Variants in LPCAT3 observed in about 807,000 individuals in gnomAD.
The protein encoded by LPCAT3 is lysophospholipid acyltransferase 5.
LPCAT3 carries 21 observed loss-of-function variants against 63.4 expected under a neutral mutation model. The ratio of observed to expected loss-of-function variants is 0.33; its 90% CI spans 0.23 to 0.48. The LOEUF is 0.48. Ranked by LOEUF, LPCAT3 falls within the 20% of genes least tolerant of loss-of-function variation. The pLI is 0.99. For missense variants in LPCAT3, 451 were observed against 590.6 expected (o/e 0.76, Z 2.45); for synonymous variants, 242 against 227.5 (o/e 1.06, Z -0.58).
At chr12:6,979,226 C>A (rs896611994) in intron 7 of LPCAT3, 5 of 543,010 alleles carry the variant, frequency 9.2e-6, no homozygotes, top group Non-Finnish European at 1.6e-5. Context: ...CTAGGAGCGG[C>A]TCCTAGAGAA....
chr12:6,976,952 C>T (rs997125878), intron 12 of LPCAT3, 61 bp from the exon 13 acceptor site: 6 of 571,338 alleles, frequency 1.1e-5, no homozygotes, highest in Admixed American at 6.0e-5. Context: ...TGGTCTATAG[C>T]CCTTCCAGAT....
At chr12:6,983,392 C>T in intron 2 of LPCAT3, 40 bp downstream of exon 2, 2 of 1,350,288 alleles carry the variant, frequency 1.5e-6, no homozygotes, top group Admixed American at 1.8e-5. Flanking sequence ...CTTCCAGGTT[C>T]CCACTAATTG....
chr12:7,004,277 C>T lies in LPCAT3; in HGVS notation c.151+13997G>A, dbSNP rs117946131. Among the ~76,000 whole-genome samples, 39 of 152,244 alleles carry T rather than the reference C, an allele frequency of 2.6e-4. No individual in the cohort carries two copies. The East Asian group carries it at 6.8e-3, about 26-fold the overall frequency. On this transcript the variant is annotated intron_variant, in intron 1 of 12. Transcript: ENST00000261407. Reference sequence around the variant, plus strand: ...GTTTATCCGGGGCAGAGAACAACAGCGGGTTACTCTCAAACCTGCTCTGGA... The same window carrying T: ...GTTTATCCGGGGCAGAGAACAACAGTGGGTTACTCTCAAACCTGCTCTGGA...
rs1946801784 is a variant in LPCAT3 at position 7,017,108 on chromosome 12, C to T, written c.151+1166G>A. Among the ~76,000 whole-genome samples the T allele has an allele frequency of 6.6e-6, 1 of 152,204 alleles. No homozygotes were observed. The highest frequency in any genetic ancestry group is 1.5e-5 in the Non-Finnish European group (1 of 68,038). Reference sequence around the variant, plus strand: ...TCTCTGGCATTTAAGGCTTTCCACACCTGCCCAACTTTATCTCAAACTTCT... The same window carrying T: ...TCTCTGGCATTTAAGGCTTTCCACATCTGCCCAACTTTATCTCAAACTTCT... On this transcript the variant is annotated intron_variant, in intron 1 of 12. Coordinates refer to ENST00000261407, the MANE Select transcript of LPCAT3 (RefSeq NM_005768.6). This position sits in a 1 kb window ranked among gnomAD's most constrained non-coding sequence, Gnocchi z 4.1.
intron 1 of LPCAT3, among the ~76,000 whole-genome samples, chr12:7,007,104 C>T (rs111676401): frequency 0.067 from 10,211 of 151,680 alleles, 436 homozygotes; most frequent in African/African-American, 0.098. Flanking sequence ...AGTGCAATGG[C>T]GCGATCTCGG....
chr12:6,986,448 T>C (rs1946526702), intron 1 of LPCAT3, among the ~76,000 whole-genome samples: 1 of 152,172 alleles, frequency 6.6e-6, no homozygotes, highest in Non-Finnish European at 1.5e-5. Context: ...TTGTTTATGC[T>C]ATTGGTAAGT....
chr12:6,977,591 G>C lies in LPCAT3; in HGVS notation c.1188+7C>G. 1 of 1,614,172 alleles carries C rather than the reference G, an allele frequency of 6.2e-7. No individual in the cohort carries two copies. The highest frequency in any genetic ancestry group is 2.2e-5 in the East Asian group (1 of 44,890). Reference sequence around the variant, plus strand: ...TATTCCCCTTCACCCCCACCCTGGAGGCCTACCTGTCTTTCCACAATAACA... The same window carrying C: ...TATTCCCCTTCACCCCCACCCTGGACGCCTACCTGTCTTTCCACAATAACA... On this transcript the variant is annotated splice_region_variant and intron_variant, in intron 10 of 12. Transcript: ENST00000261407. This position sits in a 1 kb window ranked among gnomAD's most constrained non-coding sequence, Gnocchi z 4.5.
At chr12:6,997,736 G>A (rs1555156207) in intron 1 of LPCAT3, among the ~76,000 whole-genome samples, 2 of 151,824 alleles carry the variant, frequency 1.3e-5, no homozygotes, top group African/African-American at 4.8e-5. Flanking sequence ...ACAGGCAGGC[G>A]CCACCACACG....
At chr12:6,988,877 A>G (rs892151049) in intron 1 of LPCAT3, among the ~76,000 whole-genome samples, 2 of 152,190 alleles carry the variant, frequency 1.3e-5, no homozygotes, top group Non-Finnish European at 2.9e-5. Flanking sequence ...CTGTAATCCC[A>G]GCACTTTGGG....
chr12:6,977,709 T>C lies in LPCAT3; in HGVS notation c.1077A>G (p.Lys359=), dbSNP rs1555153490. 1 of 1,614,216 alleles carries C rather than the reference T, an allele frequency of 6.2e-7. No homozygotes were observed. Among genetic ancestry groups the C allele is most frequent in the Admixed American group, 1.7e-5 (1 of 60,026 alleles). Residue 359 remains lysine (K), a synonymous_variant, in exon 10 of 13, where the codon AAA becomes AAG. Coordinates refer to ENST00000261407, the MANE Select transcript of LPCAT3 (RefSeq NM_005768.6). The surrounding 1 kb of genome is among the most constrained non-coding windows in gnomAD (Gnocchi z 4.5). ...GCAACGAGAGACCCTGAGAGAGTTCTTTATTTCCAAGGAACTTGAGTCGTT... is the reference window on the plus strand; with the variant it reads ...GCAACGAGAGACCCTGAGAGAGTTCCTTATTTCCAAGGAACTTGAGTCGTT... The part of the protein sequence containing the change: ...IFKRLKFLGN[K]ELSQGLSLLF...
chr12:6,986,827 C>A (rs1300474669), intron 1 of LPCAT3, among the ~76,000 whole-genome samples: 1 of 149,174 alleles, frequency 6.7e-6, no homozygotes, highest in South Asian at 2.1e-4. Flanking sequence ...AAAAGTTACA[C>A]CTGTCGGCCG....
intron 1 of LPCAT3, among the ~76,000 whole-genome samples, chr12:6,993,145 T>C (rs782233297): frequency 1.3e-5 from 2 of 152,080 alleles, no homozygotes; most frequent in Non-Finnish European, 2.9e-5. Flanking sequence ...TTTTAGTATA[T>C]TCAAAAGGTT....
intron 6 of LPCAT3, among the ~76,000 whole-genome samples, chr12:6,980,261 T>C (rs1226067731): frequency 6.6e-6 from 1 of 152,092 alleles, no homozygotes; most frequent in Non-Finnish European, 1.5e-5. Context: ...CAGGCTGGTC[T>C]TGAACTCCTG....
In LPCAT3 at chr12:6,994,120, A is replaced by T. The variant is rs782566604; in HGVS notation, c.152-10581T>A. 2.0e-5 allele frequency among the ~76,000 whole-genome samples: 3 copies of T among 152,292 alleles called. No individual in the cohort carries two copies. The East Asian group carries it at 5.8e-4, about 29-fold the overall frequency. On this transcript the variant is annotated intron_variant, in intron 1 of 12. Coordinates refer to ENST00000261407, the MANE Select transcript of LPCAT3 (RefSeq NM_005768.6). Reference sequence around the variant, plus strand: ...CCAGAGTGCTGCAATTACAGGTATGAGCCCATGTACAAGTTTTTGTGTGAA... The same window carrying T: ...CCAGAGTGCTGCAATTACAGGTATGTGCCCATGTACAAGTTTTTGTGTGAA...
At chr12:7,002,394 C>T (rs1357294528) in intron 1 of LPCAT3, among the ~76,000 whole-genome samples, 2 of 152,184 alleles carry the variant, frequency 1.3e-5, no homozygotes, top group African/African-American at 4.8e-5. Flanking sequence ...CTAATCTGGA[C>T]TGGGTTGCCC....
chr12:7,005,695 A>G (rs1946721022), intron 1 of LPCAT3, among the ~76,000 whole-genome samples: 1 of 152,204 alleles, frequency 6.6e-6, no homozygotes, highest in Non-Finnish European at 1.5e-5. Context: ...AAGATATTAA[A>G]CAGCTTTTCA....
Position 7,018,395 on chromosome 12 carries a change from C to T in LPCAT3, c.30G>A (p.Gly10=). ...GAACCCCCGCCAGCGCCACCACAGTCCCCTCGTCCCCCTCCGCTGAGGACG... is the reference window on the plus strand; with the variant it reads ...GAACCCCCGCCAGCGCCACCACAGTTCCCTCGTCCCCCTCCGCTGAGGACG... The part of the protein sequence containing the change: MASSAEGDE[G]TVVALAGVLQ... Residue 10 remains glycine, a synonymous_variant, in exon 1 of 13, where the codon GGG becomes GGA. Transcript: ENST00000261407. This position sits in a 1 kb window ranked among gnomAD's most constrained non-coding sequence, Gnocchi z 4.9. 1 of 1,610,780 alleles carries T rather than the reference C, an allele frequency of 6.2e-7. No individual in the cohort carries two copies. Among genetic ancestry groups the T allele is most frequent in the Non-Finnish European group, 8.5e-7 (1 of 1,178,316 alleles).
At chr12:7,006,113 A>G (rs1227668528) in intron 1 of LPCAT3, among the ~76,000 whole-genome samples, 1 of 152,226 alleles carries the variant, frequency 6.6e-6, no homozygotes, top group African/African-American at 2.4e-5. Context: ...TGGGGTCCCA[A>G]TGATTACTGT....
intron 1 of LPCAT3, among the ~76,000 whole-genome samples, chr12:7,003,524 A>G (rs1301043109): frequency 6.6e-6 from 1 of 152,172 alleles, no homozygotes; most frequent in African/African-American, 2.4e-5. Flanking sequence ...TTGGGTTTTC[A>G]AATTTTATGT....
Sources: allele counts gnomAD v4.1 joint callset (sites outside exome capture counted in the v4.1 genomes callset), GRCh38; gene constraint gnomAD v4.1.1; non-coding constraint Gnocchi (gnomAD v3.1); transcripts MANE v1.5; gene names NCBI Gene and HGNC (gene_info 2026-07-23, HGNC 2026-07-21).